Variants in DCAF8L2 observed in about 807,000 individuals in gnomAD.
The protein encoded by DCAF8L2 is DDB1 and CUL4 associated factor 8 like 2.
For missense variants in DCAF8L2, 430 were observed against 490.7 expected (o/e 0.88, Z 1.17); for synonymous variants, 200 against 190.9 (o/e 1.05, Z -0.39).
rs1927176801 is a variant in DCAF8L2, at chrX:27,611,595, CCCCCCA to C, written c.-341-20279_-341-20274del. Among the ~76,000 whole-genome samples the C allele has an allele frequency of 2.3e-4, 25 of 108,713 alleles. 1 individual carries two copies. In the South Asian group the frequency reaches 9.6e-3, roughly 42 times the overall value. 94.4% of individuals were successfully genotyped at this position (108,713 alleles called of 115,157 possible). ...TCTCCTCATGCTATCCTTCCCCCGTCCCCCCACCCCACGACAGGCCCCGGTGTGTGA... is the reference window on the plus strand; with the variant it reads ...TCTCCTCATGCTATCCTTCCCCCGTCCCCCACGACAGGCCCCGGTGTGTGA... On this transcript the variant is annotated intron_variant, in intron 1 of 4. Coordinates refer to ENST00000451261, the MANE Select transcript of DCAF8L2 (RefSeq NM_001353450.2).
the DCAF8L2 span, among the ~76,000 whole-genome samples, chrX:27,511,093 T>C: frequency 9.0e-6 from 1 of 110,813 alleles, no homozygotes; most frequent in Admixed American, 9.8e-5. Context: ...GTACAACAGC[T>C]AGGCTCCAAA....
chrX:27,485,975 A>C, the DCAF8L2 span, among the ~76,000 whole-genome samples: 1 of 84,527 alleles, frequency 1.2e-5, no homozygotes. Flanking sequence ...AAAAATCTAG[A>C]CCGTTATAAT....
the DCAF8L2 span, among the ~76,000 whole-genome samples, chrX:27,549,310 G>T: frequency 1.8e-5 from 2 of 111,270 alleles, no homozygotes; most frequent in East Asian, 5.6e-4. Context: ...TTTTCAGTTT[G>T]TGAAATAAAA....
Position 27,747,546 on chromosome X carries a change from T to C in DCAF8L2, c.651T>C (p.Arg217=), listed in dbSNP as rs1922310090. 1 of 1,182,814 alleles carries C rather than the reference T, an allele frequency of 8.5e-7. No homozygotes were observed. Among genetic ancestry groups the C allele is most frequent in the African/African-American group, 1.8e-5 (1 of 56,572 alleles). The change falls in exon 5 of 5, where the codon CGT becomes CGC. Residue 217 remains arginine (R), a synonymous_variant. Coordinates refer to ENST00000451261, the MANE Select transcript of DCAF8L2 (RefSeq NM_001353450.2). The stretch of plus-strand genomic sequence containing the variant: ...GTGGGGCAAGAGCCTTTGTGCAGCG[T>C]TTCCGCCTGCAATATCGTCTTGCAG... ...EACGARAFVQ[R]FRLQYRLADH...
intron 1 of DCAF8L2, among the ~76,000 whole-genome samples, chrX:27,594,412 T>C (rs746286115): frequency 9.0e-6 from 1 of 111,281 alleles, no homozygotes; most frequent in Non-Finnish European, 1.9e-5. Context: ...TTTTAATATG[T>C]TCTTTACTCA....
chrX:27,725,371 A>G (rs1055765673), intron 4 of DCAF8L2, among the ~76,000 whole-genome samples: 3 of 110,955 alleles, frequency 2.7e-5, no homozygotes, highest in Non-Finnish European at 5.7e-5. Flanking sequence ...ATTAAGATAG[A>G]CTCTTAGCTC....
the DCAF8L2 span, among the ~76,000 whole-genome samples, chrX:27,497,253 T>G: frequency 8.9e-6 from 1 of 112,225 alleles, no homozygotes. Context: ...GTAACAATGT[T>G]GGTTTCCTAA....
chrX:27,584,027 A>G, the DCAF8L2 span, among the ~76,000 whole-genome samples: 4 of 111,870 alleles, frequency 3.6e-5, no homozygotes, highest in African/African-American at 1.3e-4. Flanking sequence ...ATAGCAGCTG[A>G]GTATCCTTGA....
chrX:27,732,254 G>T (rs1921250281), intron 4 of DCAF8L2, among the ~76,000 whole-genome samples: 1 of 110,794 alleles, frequency 9.0e-6, no homozygotes, highest in Admixed American at 9.7e-5. Flanking sequence ...CTGCAATTTT[G>T]TACCCTTTGA....
the DCAF8L2 span, among the ~76,000 whole-genome samples, chrX:27,544,255 A>G: frequency 9.9e-5 from 11 of 111,450 alleles, no homozygotes; most frequent in East Asian, 3.1e-3. Flanking sequence ...TCTTTCTGTA[A>G]CTTCAAGATG....
chrX:27,653,117 A>C (rs1170155479), intron 2 of DCAF8L2, among the ~76,000 whole-genome samples: 2 of 111,958 alleles, frequency 1.8e-5, no homozygotes, highest in Non-Finnish European at 3.8e-5. Flanking sequence ...GATGGGATGC[A>C]CTGCGTGGAA....
At chrX:27,659,148 T>TCA (rs1490160850) in intron 2 of DCAF8L2, among the ~76,000 whole-genome samples, 2 of 111,851 alleles carry the variant, frequency 1.8e-5, no homozygotes, top group African/African-American at 6.5e-5. Context: ...AGAATGAACT[T>TCA]TCTCCCACAT....
chrX:27,513,688 A>C, the DCAF8L2 span, among the ~76,000 whole-genome samples: 50,549 of 96,913 alleles, frequency 0.52, 11,710 homozygotes, highest in South Asian at 0.78. Flanking sequence ...CTGGTGACAG[A>C]GCAAGACTCA....
At chrX:27,652,761 G>T (rs1033463934) in intron 2 of DCAF8L2, among the ~76,000 whole-genome samples, 6 of 111,989 alleles carry the variant, frequency 5.4e-5, no homozygotes, top group Non-Finnish European at 1.1e-4. Flanking sequence ...ATGTGTTTGT[G>T]ATCATTGCCT....
chrX:27,632,940 A>C (rs1928350912), intron 2 of DCAF8L2: 1 of 112,114 alleles, frequency 8.9e-6, no homozygotes, highest in Non-Finnish European at 1.9e-5. Flanking sequence ...GATATATCCC[A>C]AACACCTTGA....
chrX:27,650,298 G>C (rs1929101847), intron 2 of DCAF8L2, among the ~76,000 whole-genome samples: 1 of 111,843 alleles, frequency 8.9e-6, no homozygotes. Context: ...GGTTCCATAT[G>C]AATTTTAGAA....
At chrX:27,587,985 A>AAAAAATATATATATATATATAT, upstream of DCAF8L2, among the ~76,000 whole-genome samples, 18 of 22,328 alleles carry the variant, frequency 8.1e-4, no homozygotes, top group Non-Finnish European at 1.0e-3. Flanking sequence ...TAAAAAAAAA[A>AAAAAATATATATATATATATAT]ATATATATAT....
the DCAF8L2 span, among the ~76,000 whole-genome samples, chrX:27,552,653 A>G: frequency 2.7e-5 from 3 of 111,762 alleles, no homozygotes; most frequent in Non-Finnish European, 5.7e-5. Context: ...CCATTGGTCT[A>G]TACATCTATT....
chrX:27,540,814 G>T, the DCAF8L2 span, among the ~76,000 whole-genome samples: 2 of 110,708 alleles, frequency 1.8e-5, no homozygotes, highest in East Asian at 5.6e-4. Flanking sequence ...TACATGTACT[G>T]AAATATTAAT....
Sources: allele counts gnomAD v4.1 joint callset (sites outside exome capture counted in the v4.1 genomes callset), GRCh38; gene constraint gnomAD v4.1.1; transcripts MANE v1.5; gene names NCBI Gene and HGNC (gene_info 2026-07-23, HGNC 2026-07-21).